The following TRIB2 variants were observed in gnomAD, a reference collection of about 807,000 sequenced individuals.
The protein encoded by TRIB2 is tribbles homolog 2.
In TRIB2, 2 loss-of-function variants were observed where a neutral mutation model predicts 26.8. That is an observed-to-expected ratio of 0.07 (90% CI 0.03 to 0.24). The LOEUF is 0.24. TRIB2 is among the 10% of genes least tolerant of loss of function. The pLI is 1.00. For missense variants in TRIB2, 306 were observed against 449.0 expected (o/e 0.68, Z 2.88); for synonymous variants, 189 against 187.3 (o/e 1.01, Z -0.08).
intron 1 of TRIB2, 84 bp from the exon 2 acceptor site, chr2:12,723,176 A>C (rs1057247710): frequency 2.7e-6 from 4 of 1,458,956 alleles, no homozygotes; most frequent in African/African-American, 1.4e-5. Context: ...TCAAAAGCCC[A>C]TACCTGTGGG....
chr2:12,724,347 C>T (rs538258351), intron 2 of TRIB2, among the ~76,000 whole-genome samples: 20 of 152,254 alleles, frequency 1.3e-4, no homozygotes, highest in Non-Finnish European at 2.5e-4. Context: ...ATTTAGCAGA[C>T]TCTGCTGGGG....
chr2:12,719,576 GTTT>G (rs11431277), intron 1 of TRIB2, among the ~76,000 whole-genome samples: 1,516 of 138,358 alleles, frequency 0.011, 17 homozygotes, highest in Non-Finnish European at 0.013. Flanking sequence ...TTTGCTGACT[GTTT>G]TTTTTTTTTT....
intron 2 of TRIB2, among the ~76,000 whole-genome samples, chr2:12,726,066 A>G (rs539035808): frequency 1.6e-4 from 24 of 152,354 alleles, no homozygotes; most frequent in Admixed American, 1.3e-4. Context: ...TTCCAGCCCA[A>G]GTCACATGGA....
Position 12,741,715 on chromosome 2 carries a change from T to C in TRIB2, c.*921T>C, listed in dbSNP as rs977524932. ...CTCCTGGAGTCTGATGCTTTTGCAG[T>C]ACTCTGATCGCAACTAAACATTTGT... On this transcript the variant is annotated 3_prime_UTR_variant, in exon 3 of 3. Coordinates refer to ENST00000155926, the MANE Select transcript of TRIB2 (RefSeq NM_021643.4). 2.0e-5 allele frequency: 3 copies of C among 152,580 alleles called. No homozygotes were observed. Among genetic ancestry groups the C allele is most frequent in the East Asian group, 3.8e-4 (2 of 5,200 alleles). 9.5% of individuals were successfully genotyped at this position (152,580 alleles called of 1,614,324 possible).
chr2:12,717,714 C>A lies in TRIB2; in HGVS notation c.-594C>A. On this transcript the variant is annotated 5_prime_UTR_variant, in exon 1 of 3. Coordinates refer to ENST00000155926, the MANE Select transcript of TRIB2 (RefSeq NM_021643.4). The surrounding 1 kb of genome is among the most constrained non-coding windows in gnomAD (Gnocchi z 4.8). ...GGTAACTGCCCTCTCCCGCACCCCC[C>A]CCTTACACGCCCCCCACCCTTTCCA... 1 of 386,434 alleles carries A rather than the reference C, an allele frequency of 2.6e-6. No homozygotes were observed. The highest frequency in any genetic ancestry group is 4.5e-5 in the Admixed American group (1 of 22,296). 23.9% of individuals were successfully genotyped at this position (386,434 alleles called of 1,614,324 possible).
intron 2 of TRIB2, among the ~76,000 whole-genome samples, chr2:12,739,432 G>GT (rs1558320974): frequency 6.6e-6 from 1 of 152,262 alleles, no homozygotes; most frequent in East Asian, 1.9e-4. Flanking sequence ...GCTAATTATC[G>GT]TATTTTTAGT....
Position 12,718,385 on chromosome 2 carries a change from G to A in TRIB2, c.78G>A (p.Glu26=), listed in dbSNP as rs765730179. The part of the protein sequence containing the change: ...RSRNKTQDFE[E]LSSIRSAEPS... ...GGAACAAAACCCAGGATTTCGAAGA[G>A]TTGTCGTCTATAAGGTCCGCGGAGC... The change falls in exon 1 of 3, where the codon GAG becomes GAA. Residue 26 remains glutamate (E), a synonymous_variant. Transcript: ENST00000155926. The surrounding 1 kb of genome is among the most constrained non-coding windows in gnomAD (Gnocchi z 4.0). The A allele has an allele frequency of 5.0e-6, 8 of 1,614,228 alleles. No individual in the cohort carries two copies. In the South Asian group the frequency reaches 7.7e-5, roughly 16 times the overall value.
intron 1 of TRIB2, among the ~76,000 whole-genome samples, chr2:12,722,741 G>C (rs1037320017): frequency 6.6e-6 from 1 of 152,190 alleles, no homozygotes; most frequent in Non-Finnish European, 1.5e-5. Flanking sequence ...TAAAATGAAA[G>C]TATTGAATTA....
intron 2 of TRIB2, among the ~76,000 whole-genome samples, chr2:12,737,081 A>C (rs1661594680): frequency 1.3e-5 from 2 of 152,072 alleles, no homozygotes; most frequent in African/African-American, 4.8e-5. Flanking sequence ...AGTGTGGCCC[A>C]AGAGATGGTC....
chr2:12,741,553 G>A lies in TRIB2; in HGVS notation c.*759G>A, dbSNP rs1358742016. 2 of 152,152 alleles carry A rather than the reference G, an allele frequency of 1.3e-5. No individual in the cohort carries two copies. Among genetic ancestry groups the A allele is most frequent in the Admixed American group, 6.5e-5 (1 of 15,276 alleles). 9.4% of individuals were successfully genotyped at this position (152,152 alleles called of 1,614,324 possible). A position where few individuals can be genotyped will look rare whatever the true frequency, so the allele number is the denominator to read the frequency against. ...TGCATTACTGCTATCTTAGTTTAAA[G>A]GGGGAAAGAAAAGGGAAGAAGAAAG... On this transcript the variant is annotated 3_prime_UTR_variant, in exon 3 of 3. Transcript: ENST00000155926.
In TRIB2 at chr2:12,740,926, A is replaced by T. The variant is rs558091949; in HGVS notation, c.*132A>T. ...ACTCTTAAGTTTCTTGGTTCAGAGC[A>T]GGAAAACCTTCAAGGAGCTGACTGA... On this transcript the variant is annotated 3_prime_UTR_variant, in exon 3 of 3. Coordinates refer to ENST00000155926, the MANE Select transcript of TRIB2 (RefSeq NM_021643.4). This position sits in a 1 kb window ranked among gnomAD's most constrained non-coding sequence, Gnocchi z 5.8. The T allele has an allele frequency of 3.4e-6, 3 of 894,136 alleles. No individual in the cohort carries two copies. In the Admixed American group the frequency reaches 8.4e-5, roughly 25 times the overall value. The allele number at this position is 894,136 out of a possible 1,614,324, so 55.4% of individuals were successfully genotyped here.
rs539038121 is a variant in TRIB2, at chr2:12,732,803, G to T, written c.564-7523G>T. Among the ~76,000 whole-genome samples the T allele has an allele frequency of 6.6e-6, 1 of 152,214 alleles. No individual in the cohort carries two copies. Among genetic ancestry groups the T allele is most frequent in the Non-Finnish European group, 1.5e-5 (1 of 68,036 alleles). The stretch of plus-strand genomic sequence containing the variant: ...CCTGGCTTTCACAGCTGGACTGGCT[G>T]CCCAGAGGACTTTTTCAGTAACAGT... On this transcript the variant is annotated intron_variant, in intron 2 of 2. Coordinates refer to ENST00000155926, the MANE Select transcript of TRIB2 (RefSeq NM_021643.4). This position sits in a 1 kb window ranked among gnomAD's most constrained non-coding sequence, Gnocchi z 4.2.
At chr2:12,724,590 A>C in intron 2 of TRIB2, 2 of 1,585,988 alleles carry the variant, frequency 1.3e-6, no homozygotes, top group Non-Finnish European at 1.7e-6. Context: ...TGGAAGATTT[A>C]GAGTGTGGAA....
chr2:12,727,741 G>A (rs1188313303), intron 2 of TRIB2, among the ~76,000 whole-genome samples: 10 of 152,154 alleles, frequency 6.6e-5, no homozygotes, highest in Admixed American at 6.5e-4. Flanking sequence ...GAGGCATTGA[G>A]CAGCATTTTG....
At chr2:12,724,451 A>C (rs1661293480) in intron 2 of TRIB2, among the ~76,000 whole-genome samples, 1 of 152,260 alleles carries the variant, frequency 6.6e-6, no homozygotes, top group Non-Finnish European at 1.5e-5. Context: ...GACAGAGGCA[A>C]CAAATCTGTA....
At chr2:12,724,140 G>A (rs1661286007) in intron 2 of TRIB2, among the ~76,000 whole-genome samples, 2 of 152,164 alleles carry the variant, frequency 1.3e-5, no homozygotes, top group African/African-American at 4.8e-5. Flanking sequence ...GGAGAGTCAA[G>A]GAAGGTTTTA....
rs1033875088 is a variant in TRIB2 at position 12,742,595 on chromosome 2, T to C, written c.*1801T>C. On this transcript the variant is annotated 3_prime_UTR_variant, in exon 3 of 3. Coordinates refer to ENST00000155926, the MANE Select transcript of TRIB2 (RefSeq NM_021643.4). ...GACCTTTTTTTTCCCCTCTCCCCTA[T>C]TTTTTAAGTACCTTGGAGGAGGAGA... 2.0e-5 allele frequency: 3 copies of C among 151,736 alleles called. No homozygotes were observed. Among genetic ancestry groups the C allele is most frequent in the African/African-American group, 7.3e-5 (3 of 41,364 alleles). 9.4% of individuals were successfully genotyped at this position (151,736 alleles called of 1,614,324 possible).
At chr2:12,727,673 C>T (rs921306449) in intron 2 of TRIB2, among the ~76,000 whole-genome samples, 1 of 152,126 alleles carries the variant, frequency 6.6e-6, no homozygotes, top group Admixed American at 6.5e-5. Flanking sequence ...GATGTTTGTG[C>T]AGGGCAGAGC....
rs929783178 is a variant in TRIB2, at chr2:12,732,120, C to T, written c.564-8206C>T. Among the ~76,000 whole-genome samples the T allele has an allele frequency of 6.6e-6, 1 of 152,160 alleles. No individual in the cohort carries two copies. On this transcript the variant is annotated intron_variant, in intron 2 of 2. Transcript: ENST00000155926. The surrounding 1 kb of genome is among the most constrained non-coding windows in gnomAD (Gnocchi z 4.2). The stretch of plus-strand genomic sequence containing the variant: ...CTGTGAAGCCCTGGCGGCCTGCAGG[C>T]TGTGCTTGTGTGGTGTCTGCATGGG...
Sources: gnomAD v4.1 joint callset for allele counts (sites outside exome capture counted in the v4.1 genomes callset) on GRCh38, gnomAD v4.1.1 for gene constraint, Gnocchi (gnomAD v3.1) non-coding constraint, MANE v1.5 for transcripts, NCBI Gene and HGNC (gene_info 2026-07-23, HGNC 2026-07-21) for gene names.